Variants in NCL observed in about 807,000 individuals in gnomAD.
NCL encodes the protein nucleolin multifunctional protein.
NCL carries 4 observed loss-of-function variants against 77.7 expected under a neutral mutation model. The observed-to-expected ratio is 0.05, with a 90% CI of 0.03 to 0.12. NCL has a LOEUF of 0.12. Ranked by LOEUF, NCL falls within the 10% of genes least tolerant of loss-of-function variation. The probability of loss-of-function intolerance (pLI) is 1.00; values close to 1 mark genes in which losing one functional copy is unlikely to be tolerated. For missense variants in NCL, 763 were observed against 860.9 expected (o/e 0.89, Z 1.42); for synonymous variants, 344 against 297.8 (o/e 1.16, Z -1.60).
intron 2 of NCL, chr2:231,462,874 T>A: frequency 3.4e-6 from 1 of 294,940 alleles, no homozygotes. Flanking sequence ...TATCCTCAGC[T>A]CTGAATACAA....
Position 231,455,235 on chromosome 2 carries a change from C to T in NCL, c.2089G>A (p.Gly697Arg), listed in dbSNP as rs754998381. ...TTTCCTTGTGGCTTGTGGTCACCTC[C>T]TCCTCCTCTGCCTCCTCGGAAGCCT... The part of the protein sequence containing the change: ...RGGFRGGRGG[G>R]GDHKPQGKKT... The change falls in exon 14 of 14, where the codon GGA becomes AGA. Residue 697 changes from glycine to arginine, a missense_variant. Physicochemically the swap from Gly to Arg is moderately radical, Grantham distance 125 (BLOSUM62 -2). Around this residue, in one of 2 missense-constraint regions of NCL, gnomAD observed 173 missense variants for 290.4 expected, o/e 0.60. Coordinates refer to ENST00000322723, the MANE Select transcript of NCL (RefSeq NM_005381.3). 5.6e-6 allele frequency: 9 copies of T among 1,614,210 alleles called. No individual in the cohort carries two copies. In the South Asian group the frequency reaches 7.7e-5, roughly 14 times the overall value.
chr2:231,460,727 T>TTCGTCGTCGTCGTCATCC lies in NCL; in HGVS notation c.735_752dup (p.Asp248_Asp253dup). ...CTTCATCATCATCATCTTCATCATC[T>TTCGTCGTCGTCGTCATCC]TCGTCGTCGTCGTCATCCTCGTCCT... On this transcript the variant is annotated inframe_insertion, in exon 4 of 14. Coordinates refer to ENST00000322723, the MANE Select transcript of NCL (RefSeq NM_005381.3). 6.2e-7 allele frequency: 1 copy of TTCGTCGTCGTCGTCATCC among 1,611,650 alleles called. No individual in the cohort carries two copies. The highest frequency in any genetic ancestry group is 1.7e-5 in the Admixed American group (1 of 59,992).
rs969582008 is a variant in NCL, at chr2:231,462,080, T to C, written c.136-63A>G. ...CCCACACCCAAAAAGATAACCATGGTCCCAATGAGATGTTAGACTCTGGCA... is the reference window on the plus strand; with the variant it reads ...CCCACACCCAAAAAGATAACCATGGCCCCAATGAGATGTTAGACTCTGGCA... On this transcript the variant is annotated intron_variant, in intron 2 of 13. Transcript: ENST00000322723. 3.8e-6 allele frequency: 6 copies of C among 1,571,044 alleles called. No individual in the cohort carries two copies. The African/African-American group carries it at 5.4e-5, about 14-fold the overall frequency.
At chr2:231,463,032 A>AGCC (rs1418856369) in intron 2 of NCL, 168 bp downstream of exon 2, 1 of 601,772 alleles carries the variant, frequency 1.7e-6, no homozygotes, top group East Asian at 2.8e-5. Flanking sequence ...TCAAATACTT[A>AGCC]GCCAAATGAC....
chr2:231,455,527 A>C lies in NCL; in HGVS notation c.1930T>G (p.Trp644Gly). 1 of 1,614,188 alleles carries C rather than the reference A, an allele frequency of 6.2e-7. No individual in the cohort carries two copies. The highest frequency in any genetic ancestry group is 8.5e-7 in the Non-Finnish European group (1 of 1,180,034). Residue 644 changes from tryptophan (W) to glycine (G), a missense_variant, in exon 13 of 14, where the codon TGG becomes GGG. Coordinates refer to ENST00000322723, the MANE Select transcript of NCL (RefSeq NM_005381.3). Reference sequence around the variant, plus strand: ...CCACCTTCACCCTTAGGTTTGGCCCAGTCCAAGGTAACTTTATTTCCATCA... The same window carrying C: ...CCACCTTCACCCTTAGGTTTGGCCCCGTCCAAGGTAACTTTATTTCCATCA... ...EIDGNKVTLD[W>G]AKPKGEGGFG...
intron 11 of NCL, 94 bp from the exon 12 acceptor site, chr2:231,456,230 T>C (rs1010741139): frequency 1.1e-5 from 17 of 1,499,370 alleles, no homozygotes; most frequent in African/African-American, 2.8e-5. Flanking sequence ...CCAAGAATAC[T>C]TGTTATAGTG....
chr2:231,460,454 A>T (rs2046936580), intron 5 of NCL, 24 bp downstream of exon 5: 2 of 1,606,378 alleles, frequency 1.2e-6, no homozygotes, highest in African/African-American at 1.3e-5. Flanking sequence ...TATCTCCCCC[A>T]TATCCCCTAA....
chr2:231,462,051 C>G lies in NCL; in HGVS notation c.136-34G>C, dbSNP rs772409591. 6.2e-6 allele frequency: 10 copies of G among 1,608,014 alleles called. No individual in the cohort carries two copies. The South Asian group carries it at 1.1e-4, about 18-fold the overall frequency. ...TAAATGAAAACCAAACCAGTAAGTC[C>G]AGCCCCACACCCAAAAAGATAACCA... On this transcript the variant is annotated intron_variant, in intron 2 of 13. Transcript: ENST00000322723.
In NCL at chr2:231,457,635, T is replaced by C. The variant is rs200220843; in HGVS notation, c.1447+8A>G. On this transcript the variant is annotated splice_region_variant and intron_variant, in intron 9 of 13. Coordinates refer to ENST00000322723, the MANE Select transcript of NCL (RefSeq NM_005381.3). ...TTCTGAAACCTTGTAACAAGCCTAA[T>C]TTCTTACCACTCCAAGTGCTATTCT... 8 of 1,582,774 alleles carry C rather than the reference T, an allele frequency of 5.1e-6. No individual in the cohort carries two copies. The East Asian group carries it at 1.8e-4, about 36-fold the overall frequency.
rs1004185254 is a variant in NCL at position 231,454,666 on chromosome 2, A to G, written c.*525T>C. ...CACGCACTAAGCCATTTCCATTGGG[A>G]TGGGTGAAGCAAGTGGCAGAGCTGG... On this transcript the variant is annotated 3_prime_UTR_variant, in exon 14 of 14. Transcript: ENST00000322723. 8 of 154,616 alleles carry G rather than the reference A, an allele frequency of 5.2e-5. No homozygotes were observed. The highest frequency in any genetic ancestry group is 1.9e-4 in the African/African-American group (8 of 41,436). The allele number at this position is 154,616 out of a possible 1,614,324, so 9.6% of individuals were successfully genotyped here.
At position 231,456,730 on chromosome 2, in the gene NCL, C is replaced by T; in HGVS notation, c.1606G>A (p.Ala536Thr). 1 of 1,614,124 alleles carries T rather than the reference C, an allele frequency of 6.2e-7. No homozygotes were observed. The highest frequency in any genetic ancestry group is 8.5e-7 in the Non-Finnish European group (1 of 1,180,014). Residue 536 changes from alanine to threonine, a missense_variant, in exon 11 of 14, where the codon GCT becomes ACT. Around this residue, in one of 2 missense-constraint regions of NCL, gnomAD observed 173 missense variants for 290.4 expected, o/e 0.60. Coordinates refer to ENST00000322723, the MANE Select transcript of NCL (RefSeq NM_005381.3). ...TTACAGGAATTTAAAGCTTCTTTAGCGTCTTCGAATGAAGCAAACTCTATA... is the reference window on the plus strand; with the variant it reads ...TTACAGGAATTTAAAGCTTCTTTAGTGTCTTCGAATGAAGCAAACTCTATA... Reference protein sequence around the residue: ...AFIEFASFEDAKEALNSCNKR... With the variant: ...AFIEFASFEDTKEALNSCNKR...
At chr2:231,458,957 C>T in intron 7 of NCL, 44 bp downstream of exon 7, 1 of 1,492,000 alleles carries the variant, frequency 6.7e-7, no homozygotes, top group South Asian at 1.4e-5. Flanking sequence ...CCCTAGCAGT[C>T]TAGCTCCTGA....
rs575229166 is a variant in NCL at position 231,464,139 on chromosome 2, G to C, written c.18+197C>G. ...TTTCCCGCCGCGTTCGCCGCCCCCA[G>C]CACCTGCAGAAGCTCTTCACCTCGC... On this transcript the variant is annotated intron_variant, in intron 1 of 13. Coordinates refer to ENST00000322723, the MANE Select transcript of NCL (RefSeq NM_005381.3). 6.5e-6 allele frequency: 9 copies of C among 1,390,404 alleles called. No individual in the cohort carries two copies. In the African/African-American group the frequency reaches 1.3e-4, roughly 20 times the overall value. The allele number at this position is 1,390,404 out of a possible 1,614,324, so 86.1% of individuals were successfully genotyped here.
chr2:231,463,041 A>T (rs1009640937), intron 2 of NCL, 159 bp downstream of exon 2: 9 of 617,200 alleles, frequency 1.5e-5, no homozygotes, highest in Admixed American at 3.2e-5. Context: ...TAGCCAAATG[A>T]CATCTTGACA....
At chr2:231,462,875 C>G in intron 2 of NCL, 1 of 294,416 alleles carries the variant, frequency 3.4e-6, no homozygotes, top group Admixed American at 5.7e-5. Context: ...ATCCTCAGCT[C>G]TGAATACAAT....
intron 1 of NCL, chr2:231,463,975 GGCGCGGCCCACGTGGCAGGCC>G: frequency 2.4e-6 from 1 of 409,190 alleles, no homozygotes; most frequent in Non-Finnish European, 3.7e-6. Flanking sequence ...GGACCCACGC[GGCGCGGCCCACGTGGCAGGCC>G]GCGCTCCCGG....
rs2046933489 is a variant in NCL at position 231,460,230 on chromosome 2, G to A, written c.962C>T (p.Pro321Leu). 1 of 1,613,946 alleles carries A rather than the reference G, an allele frequency of 6.2e-7. No individual in the cohort carries two copies. Among genetic ancestry groups the A allele is most frequent in the South Asian group, 1.1e-5 (1 of 91,034 alleles). The change falls in exon 6 of 14, where the codon CCT (proline) becomes CTT (leucine). Residue 321 changes from proline to leucine, a missense_variant. Pro to Leu is a moderately conservative substitution (Grantham distance 98). This residue lies in a region of NCL where 590 missense variants were observed against 570.5 expected (regional missense o/e 1.03). Coordinates refer to ENST00000322723, the MANE Select transcript of NCL (RefSeq NM_005381.3). ...ATCGCTGATACCAGTTTTTAATTCA[G>A]GAGCAGATTTGTTAAAGTTTAGGTT... is the stretch of plus-strand genomic sequence containing the variant. ...VGNLNFNKSA[P>L]ELKTGISDVF... is the part of the protein sequence containing the mutation.
chr2:231,455,493 C>A lies in NCL; in HGVS notation c.1964G>T (p.Gly655Val). 2 of 1,614,212 alleles carry A rather than the reference C, an allele frequency of 1.2e-6. No individual in the cohort carries two copies. Among genetic ancestry groups the A allele is most frequent in the Admixed American group, 1.7e-5 (1 of 60,026 alleles). Residue 655 changes from glycine to valine, a missense_variant, in exon 13 of 14, where the codon GGT (glycine) becomes GTT (valine). Gly to Val is a moderately radical substitution (Grantham distance 109). Coordinates refer to ENST00000322723, the MANE Select transcript of NCL (RefSeq NM_005381.3). ...AKPKGEGGFG[G>V]RGGGRGGFGG... ...AAAGCCGCCTCTGCCTCCACCACGA[C>A]CCCCGAAGCCACCTTCACCCTTAGG...
At position 231,454,670 on chromosome 2, in the gene NCL, G is replaced by A. The variant is rs2046865388; in HGVS notation, c.*521C>T. 1 of 154,922 alleles carries A rather than the reference G, an allele frequency of 6.5e-6. No homozygotes were observed. Among genetic ancestry groups the A allele is most frequent in the African/African-American group, 2.4e-5 (1 of 41,430 alleles). The allele number at this position is 154,922 out of a possible 1,614,324, so 9.6% of individuals were successfully genotyped here. A position where few individuals can be genotyped will look rare whatever the true frequency, so the allele number is the denominator to read the frequency against. The stretch of plus-strand genomic sequence containing the variant: ...CACTAAGCCATTTCCATTGGGATGG[G>A]TGAAGCAAGTGGCAGAGCTGGCTTT... On this transcript the variant is annotated 3_prime_UTR_variant, in exon 14 of 14. Coordinates refer to ENST00000322723, the MANE Select transcript of NCL (RefSeq NM_005381.3).
Sources: allele counts gnomAD v4.1 joint callset, GRCh38; gene constraint gnomAD v4.1.1; regional missense constraint gnomAD v4.1.1; transcripts MANE v1.5; gene names NCBI Gene and HGNC (gene_info 2026-07-23, HGNC 2026-07-21).